Variants in AGAP1 observed in about 807,000 individuals in gnomAD.
AGAP1 encodes arf-GAP with GTPase, ANK repeat and PH domain-containing protein 1.
AGAP1 carries 29 observed loss-of-function variants against 105.3 expected under a neutral mutation model. The observed-to-expected ratio is 0.28, with a 90% CI of 0.21 to 0.38. The LOEUF is 0.38. Among genes scored for constraint, AGAP1 ranks in the 10% least tolerant of loss-of-function variants. The pLI is 1.00. For missense variants in AGAP1, 998 were observed against 1,165.1 expected, an observed-to-expected ratio of 0.86 and a Z score of 2.09; for synonymous variants, 509 against 485.9, an observed-to-expected ratio of 1.05 and a Z score of -0.63.
chr2:236,074,105 A>G (rs553492591), intron 16 of AGAP1, among the ~76,000 whole-genome samples: 1 of 152,068 alleles, frequency 6.6e-6, no homozygotes, highest in African/African-American at 2.4e-5. Flanking sequence ...GACAGTTTGC[A>G]TGAGAGGTTT....
chr2:235,923,093 T>A (rs985121146), intron 11 of AGAP1, among the ~76,000 whole-genome samples: 4 of 152,128 alleles, frequency 2.6e-5, no homozygotes, highest in African/African-American at 9.7e-5. Flanking sequence ...GATCCGTAGA[T>A]GGGGTATTTG....
chr2:235,574,881 G>C lies in AGAP1; in HGVS notation c.163+80032G>C, dbSNP rs1029799224. Among the ~76,000 whole-genome samples the C allele has an allele frequency of 1.6e-4, 24 of 152,186 alleles. No homozygotes were observed. The highest frequency in any genetic ancestry group is 5.1e-4 in the African/African-American group (21 of 41,446). On this transcript the variant is annotated intron_variant, in intron 1 of 17. Coordinates refer to ENST00000304032, the MANE Select transcript of AGAP1 (RefSeq NM_001037131.3). The surrounding 1 kb of genome is among the most constrained non-coding windows in gnomAD (Gnocchi z 5.0). ...AGCACGCGTGTAATTCTAGCACTTA[G>C]GGAGGCCGAGGCAAATGGATCACTT... is the stretch of plus-strand genomic sequence containing the variant.
intron 9 of AGAP1, among the ~76,000 whole-genome samples, chr2:235,847,110 C>CTTTT (rs1261492093): frequency 1.3e-5 from 2 of 152,214 alleles, no homozygotes; most frequent in African/African-American, 2.4e-5. Context: ...GACTCAGCGA[C>CTTTT]TTTTTGAATA....
intron 1 of AGAP1, among the ~76,000 whole-genome samples, chr2:235,528,082 T>C (rs1942909750): frequency 6.6e-6 from 1 of 152,240 alleles, no homozygotes; most frequent in African/African-American, 2.4e-5. Flanking sequence ...TTTGTGATGT[T>C]GTCCTGGATC....
At chr2:235,857,051 C>T (rs958551392) in intron 9 of AGAP1, among the ~76,000 whole-genome samples, 1 of 152,134 alleles carries the variant, frequency 6.6e-6, no homozygotes, top group African/African-American at 2.4e-5. Flanking sequence ...AGGTGGTGAG[C>T]CTGAGATGCT....
intron 11 of AGAP1, among the ~76,000 whole-genome samples, chr2:235,913,248 A>G (rs1313867552): frequency 6.6e-6 from 1 of 152,106 alleles, no homozygotes; most frequent in South Asian, 2.1e-4. Flanking sequence ...TTCCCTTAAA[A>G]AATATATGTA....
At chr2:236,063,786 G>A (rs1328717830) in intron 16 of AGAP1, among the ~76,000 whole-genome samples, 2 of 152,136 alleles carry the variant, frequency 1.3e-5, no homozygotes, top group Admixed American at 6.6e-5. Context: ...GCCCAGAAAG[G>A]GAGAACAGCA....
chr2:235,900,347 G>GT lies in AGAP1; in HGVS notation c.1156-8390dup, dbSNP rs2051009091. Among the ~76,000 whole-genome samples the GT allele has an allele frequency of 6.6e-6, 1 of 151,824 alleles. No homozygotes were observed. The highest frequency in any genetic ancestry group is 1.5e-5 in the Non-Finnish European group (1 of 68,012). ...GACTTTGAGGTAGGAGGAGCCCAAA[G>GT]TGGCCAGGTGACAATCTTACAGTTT... is the stretch of plus-strand genomic sequence containing the variant. On this transcript the variant is annotated intron_variant, in intron 10 of 17. Coordinates refer to ENST00000304032, the MANE Select transcript of AGAP1 (RefSeq NM_001037131.3). The surrounding 1 kb of genome is among the most constrained non-coding windows in gnomAD (Gnocchi z 5.5).
At position 235,577,410 on chromosome 2, in the gene AGAP1, G is replaced by C. The variant is rs990909138; in HGVS notation, c.163+82561G>C. On this transcript the variant is annotated intron_variant, in intron 1 of 17. Transcript: ENST00000304032. The surrounding 1 kb of genome is among the most constrained non-coding windows in gnomAD (Gnocchi z 4.5). ...TTGGGCACCACGGCCTTAGGGTTTT[G>C]ATTAAAACCCCATTCTCTTGACCTT... Among the ~76,000 whole-genome samples, 1 of 152,156 alleles carries C rather than the reference G, an allele frequency of 6.6e-6. No homozygotes were observed. The highest frequency in any genetic ancestry group is 6.5e-5 in the Admixed American group (1 of 15,276).
In AGAP1 at chr2:235,725,658, G is replaced by A. The variant is rs368196771; in HGVS notation, c.310+8014G>A. On this transcript the variant is annotated intron_variant, in intron 3 of 17. Coordinates refer to ENST00000304032, the MANE Select transcript of AGAP1 (RefSeq NM_001037131.3). This position sits in a 1 kb window ranked among gnomAD's most constrained non-coding sequence, Gnocchi z 5.7. ...TTTTTAATGAGAATTATCTGTAAAC[G>A]TTGAGATGATGAGCCTGCTGCTATG... Among the ~76,000 whole-genome samples the A allele has an allele frequency of 2.0e-5, 3 of 152,250 alleles. No homozygotes were observed. The highest frequency in any genetic ancestry group is 4.2e-4 in the South Asian group (2 of 4,818).
Position 235,596,929 on chromosome 2 carries a change from G to A in AGAP1, c.163+102080G>A, listed in dbSNP as rs1000357091. Reference sequence around the variant, plus strand: ...CTGTACCCTATGAGGACATCATGAGGAGATATGGCTTCTGCAGGAAGAGGC... The same window carrying A: ...CTGTACCCTATGAGGACATCATGAGAAGATATGGCTTCTGCAGGAAGAGGC... On this transcript the variant is annotated intron_variant, in intron 1 of 17. Transcript: ENST00000304032. The surrounding 1 kb of genome is among the most constrained non-coding windows in gnomAD (Gnocchi z 5.9). Among the ~76,000 whole-genome samples, 2 of 152,172 alleles carry A rather than the reference G, an allele frequency of 1.3e-5. No individual in the cohort carries two copies. Among genetic ancestry groups the A allele is most frequent in the African/African-American group, 4.8e-5 (2 of 41,452 alleles).
At chr2:235,730,342 G>A (rs1023874879) in intron 3 of AGAP1, among the ~76,000 whole-genome samples, 6 of 152,014 alleles carry the variant, frequency 3.9e-5, no homozygotes, top group African/African-American at 1.5e-4. Flanking sequence ...GCCCTCTCTG[G>A]ATTCTAACAC....
chr2:235,530,316 T>C (rs1942997943), intron 1 of AGAP1, among the ~76,000 whole-genome samples: 1 of 152,194 alleles, frequency 6.6e-6, no homozygotes, highest in African/African-American at 2.4e-5. Context: ...AGACTGTGCT[T>C]CCGCTTTAGA....
intron 6 of AGAP1, among the ~76,000 whole-genome samples, chr2:235,772,377 C>T (rs1252829902): frequency 1.3e-5 from 2 of 152,194 alleles, no homozygotes; most frequent in Admixed American, 6.5e-5. Flanking sequence ...TCTGATTTCT[C>T]TTGACGAACT....
rs186980574 is a variant in AGAP1, at chr2:235,938,333, G to A, written c.1483+7410G>A. On this transcript the variant is annotated intron_variant, in intron 12 of 17. Coordinates refer to ENST00000304032, the MANE Select transcript of AGAP1 (RefSeq NM_001037131.3). ...TCAAGGCTAGATTCAAACAGCCTGT[G>A]TCATAATTGTCACTAAGCTGTTCTC... Among the ~76,000 whole-genome samples the A allele has an allele frequency of 7.2e-5, 11 of 152,344 alleles. No individual in the cohort carries two copies. The East Asian group carries it at 2.1e-3, about 29-fold the overall frequency.
intron 9 of AGAP1, among the ~76,000 whole-genome samples, chr2:235,831,918 TA>T (rs1959459279): frequency 6.6e-6 from 1 of 152,372 alleles, no homozygotes; most frequent in East Asian, 1.9e-4. Flanking sequence ...TACCACTTTT[TA>T]TTTCCACCAG....
intron 6 of AGAP1, among the ~76,000 whole-genome samples, chr2:235,768,908 A>G (rs943577667): frequency 6.6e-6 from 1 of 152,252 alleles, no homozygotes; most frequent in African/African-American, 2.4e-5. Flanking sequence ...TTACAGAAGA[A>G]GAAACACCTG....
chr2:235,709,939 T>C (rs1950760992), intron 2 of AGAP1, among the ~76,000 whole-genome samples: 1 of 152,232 alleles, frequency 6.6e-6, no homozygotes, highest in African/African-American at 2.4e-5. Context: ...TGTATCTGTG[T>C]ATGTATGTAT....
chr2:235,614,417 CAAACGGCCTG>C lies in AGAP1; in HGVS notation c.164-94761_164-94752del, dbSNP rs1317625479. Among the ~76,000 whole-genome samples, 2 of 151,980 alleles carry C rather than the reference CAAACGGCCTG, an allele frequency of 1.3e-5. No individual in the cohort carries two copies. The highest frequency in any genetic ancestry group is 4.8e-5 in the African/African-American group (2 of 41,358). On this transcript the variant is annotated intron_variant, in intron 1 of 17. Coordinates refer to ENST00000304032, the MANE Select transcript of AGAP1 (RefSeq NM_001037131.3). This position sits in a 1 kb window ranked among gnomAD's most constrained non-coding sequence, Gnocchi z 4.7. ...GTGTGTCATCCCAGAGGAGCAGCAG[CAAACGGCCTG>C]TGATGGGCTGGATGTATTTGGGGAG...
Sources: gnomAD v4.1 joint callset for allele counts (sites outside exome capture counted in the v4.1 genomes callset) on GRCh38, gnomAD v4.1.1 for gene constraint, Gnocchi (gnomAD v3.1) non-coding constraint, MANE v1.5 for transcripts, NCBI Gene and HGNC (gene_info 2026-07-23, HGNC 2026-07-21) for gene names.